HTR3B: variants seen among roughly 807,000 people sequenced by gnomAD.
HTR3B encodes 5-hydroxytryptamine (serotonin) receptor 3B, ionotropic.
In HTR3B, 44 loss-of-function variants were observed where a neutral mutation model predicts 42.8. The observed-to-expected ratio is 1.03, with a 90% CI of 0.81 to 1.32. The LOEUF is 1.32. HTR3B is among the 40% of genes most tolerant of loss of function. The probability of loss-of-function intolerance (pLI) is 0.00; values close to 1 mark genes in which losing one functional copy is unlikely to be tolerated. For missense variants in HTR3B, 527 were observed against 536.5 expected, an observed-to-expected ratio of 0.98 and a Z score of 0.17; for synonymous variants, 203 against 209.0, an observed-to-expected ratio of 0.97 and a Z score of 0.25.
In HTR3B at chr11:113,926,989, G is replaced by T. The variant is rs1949982086; in HGVS notation, c.214-4395G>T. Among the ~76,000 whole-genome samples the T allele has an allele frequency of 2.6e-5, 4 of 152,122 alleles. No individual in the cohort carries two copies. In the South Asian group the frequency reaches 8.3e-4, roughly 32 times the overall value. ...TGGTATCTCGTCGTGGTTTTGATTT[G>T]CAGTTCCCTGGTGACTAATGATGGT... On this transcript the variant is annotated intron_variant, in intron 2 of 8. Coordinates refer to ENST00000260191, the MANE Select transcript of HTR3B (RefSeq NM_006028.5).
At chr11:113,941,388 A>G (rs1950133333) in intron 6 of HTR3B, among the ~76,000 whole-genome samples, 1 of 152,182 alleles carries the variant, frequency 6.6e-6, no homozygotes, top group Non-Finnish European at 1.5e-5. Context: ...TTTAGGAAGG[A>G]TGAGAATGGA....
At chr11:113,915,092 T>C (rs1949838363) in intron 2 of HTR3B, among the ~76,000 whole-genome samples, 1 of 152,218 alleles carries the variant, frequency 6.6e-6, no homozygotes, top group Admixed American at 6.5e-5. Flanking sequence ...TGTCTCATAT[T>C]GGTAATTTGT....
At chr11:113,943,286 C>G in intron 7 of HTR3B, 94 bp downstream of exon 7, 1 of 1,107,670 alleles carries the variant, frequency 9.0e-7, no homozygotes, top group Non-Finnish European at 1.3e-6. Context: ...CCCGTAATAT[C>G]AGCACTTTGG....
chr11:113,916,579 A>G (rs1473693109), intron 2 of HTR3B, among the ~76,000 whole-genome samples: 1 of 152,186 alleles, frequency 6.6e-6, no homozygotes, highest in African/African-American at 2.4e-5. Flanking sequence ...ATCAATGTCT[A>G]TTTTTAAAAA....
chr11:113,943,566 C>T (rs1430517841), intron 7 of HTR3B, among the ~76,000 whole-genome samples: 1 of 151,950 alleles, frequency 6.6e-6, no homozygotes, highest in African/African-American at 2.4e-5. Flanking sequence ...AACTCCTGAC[C>T]TCAGGTGGTC....
At chr11:113,926,487 C>CTTTT (rs1949975068) in intron 2 of HTR3B, among the ~76,000 whole-genome samples, 5 of 134,706 alleles carry the variant, frequency 3.7e-5, no homozygotes, top group Non-Finnish European at 6.5e-5. Flanking sequence ...CCTTTCCTTT[C>CTTTT]CTTTCCTTTC....
intron 2 of HTR3B, among the ~76,000 whole-genome samples, chr11:113,924,776 A>T (rs1949952696): frequency 6.6e-6 from 1 of 151,932 alleles, no homozygotes. Context: ...TTCCTTGGGG[A>T]AATACTTGTG....
chr11:113,911,896 A>T (rs1438925479), intron 2 of HTR3B, among the ~76,000 whole-genome samples: 1 of 152,038 alleles, frequency 6.6e-6, no homozygotes, highest in Non-Finnish European at 1.5e-5. Context: ...TTCCTAGTCC[A>T]TCCCCATCCT....
chr11:113,942,044 G>T (rs1024134801), intron 6 of HTR3B, among the ~76,000 whole-genome samples: 1 of 152,102 alleles, frequency 6.6e-6, no homozygotes, highest in African/African-American at 2.4e-5. Flanking sequence ...AAGGAGTTCA[G>T]AATCCAAGGA....
rs1950178996 is a variant in HTR3B at position 113,946,270 on chromosome 11, G to A, written c.*133G>A. 5.9e-6 allele frequency: 4 copies of A among 679,462 alleles called. No homozygotes were observed. The highest frequency in any genetic ancestry group is 1.8e-5 in the African/African-American group (1 of 56,402). 42.1% of individuals were successfully genotyped at this position (679,462 alleles called of 1,614,324 possible). A position where few individuals can be genotyped will look rare whatever the true frequency, so the allele number is the denominator to read the frequency against. The stretch of plus-strand genomic sequence containing the variant: ...AGTCCCAGTGCTTTGGGAGGCCATA[G>A]CAGGAGGATTGCTTGAGCCCAGGAG... On this transcript the variant is annotated 3_prime_UTR_variant, in exon 9 of 9. Transcript: ENST00000260191.
intron 2 of HTR3B, among the ~76,000 whole-genome samples, chr11:113,924,686 G>C (rs1338524015): frequency 1.4e-5 from 2 of 145,012 alleles, no homozygotes; most frequent in African/African-American, 2.6e-5. Flanking sequence ...GCTCTCATTA[G>C]AGCTTTTTTT....
At chr11:113,930,487 C>CTTTTTT (rs528919776) in intron 2 of HTR3B, among the ~76,000 whole-genome samples, 2 of 121,940 alleles carry the variant, frequency 1.6e-5, no homozygotes, top group Non-Finnish European at 1.7e-5. Flanking sequence ...TTTCTTTTCT[C>CTTTTTT]TTTTTTTTTT....
intron 1 of HTR3B, 96 bp downstream of exon 1, chr11:113,905,081 A>G (rs1478918906): frequency 1.2e-6 from 1 of 831,732 alleles, no homozygotes; most frequent in Non-Finnish European, 1.9e-6. Flanking sequence ...CTTCTCAGGC[A>G]TGTTTGTTTT....
At chr11:113,925,591 T>A (rs56379127) in intron 2 of HTR3B, among the ~76,000 whole-genome samples, 5,319 of 152,040 alleles carry the variant, frequency 0.035, 154 homozygotes, top group Non-Finnish European at 0.056. Context: ...GCCCAGCTAA[T>A]TTTTGTATTT....
chr11:113,899,157 A>C, the HTR3B span, among the ~76,000 whole-genome samples: 1 of 152,112 alleles, frequency 6.6e-6, no homozygotes, highest in Non-Finnish European at 1.5e-5. Flanking sequence ...ATGACACAAA[A>C]ACCACGAAAG....
chr11:113,932,589 T>C, intron 5 of HTR3B, 131 bp downstream of exon 5: 1 of 827,060 alleles, frequency 1.2e-6, no homozygotes, highest in Non-Finnish European at 1.9e-6. Flanking sequence ...TTCTTGCGGT[T>C]TTTTGGCTCC....
At chr11:113,916,751 T>C (rs1029611316) in intron 2 of HTR3B, among the ~76,000 whole-genome samples, 2 of 152,240 alleles carry the variant, frequency 1.3e-5, no homozygotes, top group Non-Finnish European at 2.9e-5. Context: ...GCGTTTTGCA[T>C]ACATTTGGTT....
At chr11:113,924,382 A>G (rs760337725) in intron 2 of HTR3B, among the ~76,000 whole-genome samples, 2 of 151,990 alleles carry the variant, frequency 1.3e-5, no homozygotes, top group Non-Finnish European at 2.9e-5. Flanking sequence ...TTGGGAGGCC[A>G]AGGTGGGAGG....
chr11:113,915,401 AT>A (rs958358627), intron 2 of HTR3B, among the ~76,000 whole-genome samples: 4 of 151,936 alleles, frequency 2.6e-5, no homozygotes, highest in East Asian at 1.9e-4. Flanking sequence ...CCATAATCTG[AT>A]TTTTTTTCCC....
Sources: allele counts gnomAD v4.1 joint callset (sites outside exome capture counted in the v4.1 genomes callset), GRCh38; gene constraint gnomAD v4.1.1; transcripts MANE v1.5; gene names NCBI Gene and HGNC (gene_info 2026-07-23, HGNC 2026-07-21).